Variants in SLC8A1 observed in about 807,000 individuals in gnomAD.
The protein encoded by SLC8A1 is sodium/calcium exchanger 1.
SLC8A1 carries 18 observed loss-of-function variants against 68.3 expected under a neutral mutation model. The observed-to-expected ratio is 0.26, with a 90% CI of 0.18 to 0.39. The LOEUF (loss-of-function observed/expected upper bound fraction) is 0.39. Among genes scored for constraint, SLC8A1 ranks in the 10% least tolerant of loss-of-function variants. The probability of loss-of-function intolerance (pLI) is 1.00; values close to 1 mark genes in which losing one functional copy is unlikely to be tolerated. For synonymous variants in SLC8A1, 475 were observed against 415.5 expected (o/e 1.14, Z -1.74); for missense variants, 985 against 1,156.7 (o/e 0.85, Z 2.15).
chr2:40,371,427 GT>G (rs1238436323), intron 2 of SLC8A1, among the ~76,000 whole-genome samples: 1 of 152,072 alleles, frequency 6.6e-6, no homozygotes. Context: ...AAAATCAGTA[GT>G]TTCTCATTGT....
intron 2 of SLC8A1, among the ~76,000 whole-genome samples, chr2:40,243,360 C>G (rs1012319583): frequency 6.6e-6 from 1 of 152,064 alleles, no homozygotes; most frequent in African/African-American, 2.4e-5. Context: ...ATGGTAGTGT[C>G]TGCGGTCCCA....
intron 7 of SLC8A1, among the ~76,000 whole-genome samples, chr2:40,118,906 C>T (rs548441247): frequency 1.2e-4 from 18 of 152,212 alleles, no homozygotes; most frequent in South Asian, 2.1e-4. Flanking sequence ...ACATTGCACA[C>T]TGGACTTCCT....
chr2:40,281,816 T>C (rs2067568954), intron 2 of SLC8A1, among the ~76,000 whole-genome samples: 1 of 152,214 alleles, frequency 6.6e-6, no homozygotes, highest in Non-Finnish European at 1.5e-5. Context: ...CAGCTAATGA[T>C]GGTTAATAAA....
intron 2 of SLC8A1, among the ~76,000 whole-genome samples, chr2:40,373,921 A>G (rs1043881876): frequency 5.9e-5 from 9 of 152,234 alleles, no homozygotes; most frequent in African/African-American, 2.2e-4. Context: ...AAGTGTGCAT[A>G]AAATGGACTA....
chr2:40,375,681 C>G (rs1000267060), intron 2 of SLC8A1, among the ~76,000 whole-genome samples: 44 of 152,028 alleles, frequency 2.9e-4, no homozygotes, highest in African/African-American at 1.0e-3. Flanking sequence ...GAAACTGAAA[C>G]AAGTTAATCA....
At chr2:40,185,302 G>A (rs1050984397) in intron 2 of SLC8A1, among the ~76,000 whole-genome samples, 6 of 152,158 alleles carry the variant, frequency 3.9e-5, no homozygotes, top group Non-Finnish European at 7.3e-5. Flanking sequence ...AATTTTCATC[G>A]CAGCATTATT....
intron 1 of SLC8A1, among the ~76,000 whole-genome samples, chr2:40,471,281 A>G (rs1005041057): frequency 6.6e-6 from 1 of 152,112 alleles, no homozygotes; most frequent in Non-Finnish European, 1.5e-5. Context: ...TTTTTACTGC[A>G]GTGTCCGTTC....
At chr2:40,437,540 C>A (rs1327969353) in intron 1 of SLC8A1, among the ~76,000 whole-genome samples, 5 of 152,044 alleles carry the variant, frequency 3.3e-5, no homozygotes, top group Non-Finnish European at 7.4e-5. Flanking sequence ...AAGAAAGAAT[C>A]CCTAGCAGTA....
At chr2:40,252,823 TG>T (rs2063008302) in intron 2 of SLC8A1, among the ~76,000 whole-genome samples, 1,689 of 116,826 alleles carry the variant, frequency 0.014, 31 homozygotes, top group African/African-American at 0.054. Context: ...TACATATATA[TG>T]TATATACATG....
chr2:40,413,191 T>G (rs1239756363), intron 2 of SLC8A1, among the ~76,000 whole-genome samples: 1 of 152,308 alleles, frequency 6.6e-6, no homozygotes, highest in East Asian at 1.9e-4. Context: ...GAAGTCGGTG[T>G]GGCGATTCCT....
intron 2 of SLC8A1, among the ~76,000 whole-genome samples, chr2:40,349,746 G>T (rs888296161): frequency 2.6e-5 from 4 of 152,130 alleles, no homozygotes; most frequent in African/African-American, 9.7e-5. Context: ...TAAAAAGGAT[G>T]TGAAAACTAA....
chr2:40,481,338 TAAAG>T (rs1041030225), intron 1 of SLC8A1, among the ~76,000 whole-genome samples: 3 of 152,230 alleles, frequency 2.0e-5, no homozygotes, highest in Non-Finnish European at 4.4e-5. Flanking sequence ...AGCACAGTGT[TAAAG>T]AAGACAAAAG....
At chr2:40,439,506 CT>C (rs1700088921) in intron 1 of SLC8A1, among the ~76,000 whole-genome samples, 1 of 152,106 alleles carries the variant, frequency 6.6e-6, no homozygotes, top group Non-Finnish European at 1.5e-5. Context: ...TCTAGTCTGC[CT>C]CTTGGAACTG....
At chr2:40,416,231 C>T (rs2149721735) in intron 2 of SLC8A1, among the ~76,000 whole-genome samples, 1 of 151,984 alleles carries the variant, frequency 6.6e-6, no homozygotes, top group African/African-American at 2.4e-5. Context: ...TATTGTTATC[C>T]TAAATACATT....
chr2:40,508,149 T>C (rs1239529718), intron 1 of SLC8A1, among the ~76,000 whole-genome samples: 1 of 152,010 alleles, frequency 6.6e-6, no homozygotes, highest in Non-Finnish European at 1.5e-5. Context: ...GTTCTAATGA[T>C]TATTGTGTAT....
At chr2:40,312,032 G>A (rs548748321) in intron 2 of SLC8A1, among the ~76,000 whole-genome samples, 2 of 152,090 alleles carry the variant, frequency 1.3e-5, no homozygotes, top group East Asian at 3.9e-4. Context: ...CACTCCTTTT[G>A]ATTTATTAAA....
chr2:40,101,848 T>G (rs2033910749), exon 8 of SLC8A1: 1 of 152,052 alleles, frequency 6.6e-6, no homozygotes, highest in Non-Finnish European at 1.5e-5. Context: ...ACTCCAAAAT[T>G]TTTGATTCAT....
At chr2:40,233,482 G>A (rs1418999729) in intron 2 of SLC8A1, among the ~76,000 whole-genome samples, 1 of 143,788 alleles carries the variant, frequency 7.0e-6, no homozygotes, top group Non-Finnish European at 1.5e-5. Flanking sequence ...GTTCATTGTA[G>A]ATTCTGGATA....
intron 1 of SLC8A1, among the ~76,000 whole-genome samples, chr2:40,501,450 C>G (rs1435183193): frequency 6.6e-6 from 1 of 152,048 alleles, no homozygotes; most frequent in East Asian, 1.9e-4. Context: ...ATAATGTTGT[C>G]AAGTTTCATT....
Sources: allele counts gnomAD v4.1 joint callset (sites outside exome capture counted in the v4.1 genomes callset), GRCh38; gene constraint gnomAD v4.1.1; transcripts MANE v1.5; gene names NCBI Gene and HGNC (gene_info 2026-07-23, HGNC 2026-07-21).